GRIP1: variants seen among roughly 807,000 people sequenced by gnomAD.
GRIP1 encodes glutamate receptor interacting protein 1.
A neutral mutation model predicts 129.9 loss-of-function variants in GRIP1; 45 were observed. The ratio of observed to expected loss-of-function variants is 0.35; its 90% confidence interval spans 0.27 to 0.44. GRIP1 has a LOEUF of 0.44. GRIP1 is among the 20% of genes least tolerant of loss of function. The pLI is 1.00. For synonymous variants in GRIP1, 530 were observed against 520.8 expected (o/e 1.02, Z -0.24); for missense variants, 1,196 against 1,396.8 (o/e 0.86, Z 2.29).
intron 2 of GRIP1, among the ~76,000 whole-genome samples, chr12:66,592,290 G>A (rs1294352138): frequency 2.0e-5 from 3 of 152,004 alleles, no homozygotes; most frequent in Non-Finnish European, 4.4e-5. Context: ...ATACATCTTG[G>A]GCTACTGGAC....
At chr12:66,424,261 A>T (rs1226737661) in intron 14 of GRIP1, among the ~76,000 whole-genome samples, 3 of 152,218 alleles carry the variant, frequency 2.0e-5, no homozygotes. Context: ...ATAGATATAC[A>T]TTCTTGGTAC....
At chr12:66,540,305 C>T (rs2061734239) in intron 3 of GRIP1, among the ~76,000 whole-genome samples, 1 of 152,220 alleles carries the variant, frequency 6.6e-6, no homozygotes, top group Admixed American at 6.5e-5. Flanking sequence ...GTGCCTTTAA[C>T]AGTGACTATT....
chr12:66,718,435 T>A (rs1345967959), intron 1 of GRIP1, among the ~76,000 whole-genome samples: 11 of 152,164 alleles, frequency 7.2e-5, no homozygotes, highest in Non-Finnish European at 1.5e-4. Flanking sequence ...GCTAGTTTTA[T>A]AAAAGAAAGA....
chr12:66,414,915 C>T (rs74638215), intron 15 of GRIP1, among the ~76,000 whole-genome samples: 3 of 130,292 alleles, frequency 2.3e-5, no homozygotes, highest in Non-Finnish European at 3.1e-5. Context: ...AAAACTGGAC[C>T]CCTTCCTTAC....
intron 1 of GRIP1, among the ~76,000 whole-genome samples, chr12:66,655,383 A>G (rs1444964779): frequency 2.0e-5 from 3 of 152,130 alleles, no homozygotes; most frequent in African/African-American, 4.8e-5. Flanking sequence ...GATTTCCCAT[A>G]TGCCTCCTGC....
At chr12:66,961,896 T>C (rs1028345196) in intron 1 of GRIP1, among the ~76,000 whole-genome samples, 2 of 152,160 alleles carry the variant, frequency 1.3e-5, no homozygotes, top group African/African-American at 2.4e-5. Flanking sequence ...AAAAACGTTG[T>C]TTGCTTACTC....
chr12:66,510,329 A>G (rs1451357658), intron 7 of GRIP1, among the ~76,000 whole-genome samples: 1 of 152,044 alleles, frequency 6.6e-6, no homozygotes, highest in African/African-American at 2.4e-5. Context: ...TAACTACTGG[A>G]TGGTCTCAGA....
chr12:66,798,884 T>C (rs1423072293), intron 1 of GRIP1, among the ~76,000 whole-genome samples: 2 of 152,100 alleles, frequency 1.3e-5, no homozygotes, highest in Non-Finnish European at 2.9e-5. Context: ...GGCCTACTGT[T>C]CAAAAAAATA....
chr12:67,043,964 CT>C (rs1417111327), intron 1 of GRIP1, among the ~76,000 whole-genome samples: 1 of 152,002 alleles, frequency 6.6e-6, no homozygotes, highest in Non-Finnish European at 1.5e-5. Flanking sequence ...CATTTCTCAG[CT>C]GCTGAACTGA....
chr12:67,020,156 C>T (rs542820589), intron 1 of GRIP1, among the ~76,000 whole-genome samples: 1 of 152,242 alleles, frequency 6.6e-6, no homozygotes, highest in African/African-American at 2.4e-5. Context: ...GTTTTCAATA[C>T]TACTACAAAG....
intron 13 of GRIP1, among the ~76,000 whole-genome samples, chr12:66,436,950 G>A (rs907042713): frequency 6.8e-6 from 1 of 146,110 alleles, no homozygotes; most frequent in Non-Finnish European, 1.5e-5. Flanking sequence ...CTCTAGCCTG[G>A]GTAACAGAGC....
chr12:66,778,347 A>G (rs2038053999), intron 1 of GRIP1, among the ~76,000 whole-genome samples: 1 of 152,180 alleles, frequency 6.6e-6, no homozygotes, highest in Non-Finnish European at 1.5e-5. Flanking sequence ...CATGAACTAA[A>G]AACCAGCTTT....
chr12:66,422,847 G>C (rs2057855554), intron 14 of GRIP1, among the ~76,000 whole-genome samples: 2 of 152,082 alleles, frequency 1.3e-5, no homozygotes, highest in South Asian at 2.1e-4. Context: ...GGGATGATGG[G>C]GTCGAACCCA....
intron 1 of GRIP1, among the ~76,000 whole-genome samples, chr12:66,673,813 T>C (rs2034197600): frequency 6.6e-6 from 1 of 152,168 alleles, no homozygotes; most frequent in Non-Finnish European, 1.5e-5. Flanking sequence ...GTGGGGTCTC[T>C]CTATTTGCAA....
intron 1 of GRIP1, among the ~76,000 whole-genome samples, chr12:66,868,670 A>G (rs925111574): frequency 5.9e-5 from 9 of 152,158 alleles, no homozygotes; most frequent in African/African-American, 1.9e-4. Flanking sequence ...TAAAGAATAC[A>G]AAGATTAAAA....
At chr12:66,713,852 A>G (rs2035787009) in intron 1 of GRIP1, among the ~76,000 whole-genome samples, 1 of 152,174 alleles carries the variant, frequency 6.6e-6, no homozygotes, top group East Asian at 1.9e-4. Context: ...CCTAGCACAT[A>G]GCCTGTATGC....
chr12:66,466,873 C>T (rs1247384605), intron 7 of GRIP1, among the ~76,000 whole-genome samples: 1 of 152,132 alleles, frequency 6.6e-6, no homozygotes, highest in Admixed American at 6.5e-5. Context: ...GTCATCAAGG[C>T]CCCACTCAGA....
chr12:66,478,010 A>C (rs1312804257), intron 7 of GRIP1, among the ~76,000 whole-genome samples: 1 of 152,238 alleles, frequency 6.6e-6, no homozygotes, highest in Non-Finnish European at 1.5e-5. Flanking sequence ...ATGGCAACAA[A>C]AGCCAAAATT....
intron 16 of GRIP1, among the ~76,000 whole-genome samples, chr12:66,402,128 C>T (rs889435405): frequency 6.6e-6 from 1 of 152,212 alleles, no homozygotes; most frequent in Non-Finnish European, 1.5e-5. Flanking sequence ...ACTTTCTGCA[C>T]CACTTCACAA....
Sources: gnomAD v4.1 joint callset for allele counts (sites outside exome capture counted in the v4.1 genomes callset) on GRCh38, gnomAD v4.1.1 for gene constraint, MANE v1.5 for transcripts, NCBI Gene and HGNC (gene_info 2026-07-23, HGNC 2026-07-21) for gene names.